The following CNBD1 variants were observed in gnomAD, a reference collection of about 807,000 sequenced individuals.
CNBD1 encodes cyclic nucleotide binding domain containing 1, also known as cyclic nucleotide-binding domain-containing protein 1.
In CNBD1, 71 loss-of-function variants were observed where a neutral mutation model predicts 54.4. The ratio of observed to expected loss-of-function variants is 1.30; its 90% CI spans 1.08 to 1.59. The LOEUF (loss-of-function observed/expected upper bound fraction) is 1.59. CNBD1 is among the 40% of genes most tolerant of loss of function. CNBD1 has a pLI of 0.00. For missense variants in CNBD1, 659 were observed against 518.0 expected, an observed-to-expected ratio of 1.27 and a Z score of -2.64; for synonymous variants, 182 against 170.7, an observed-to-expected ratio of 1.07 and a Z score of -0.51.
At chr8:87,015,031 AT>A (rs1446132791) in intron 4 of CNBD1, among the ~76,000 whole-genome samples, 1 of 152,214 alleles carries the variant, frequency 6.6e-6, no homozygotes, top group Non-Finnish European at 1.5e-5. Context: ...AGTAAAATGA[AT>A]TTATAAGGGG....
At chr8:86,935,305 G>A (rs755641744) in intron 3 of CNBD1, among the ~76,000 whole-genome samples, 13 of 152,076 alleles carry the variant, frequency 8.5e-5, no homozygotes, top group Non-Finnish European at 1.5e-4. Context: ...CAAAGTGCTG[G>A]GATTACAGGC....
intron 2 of CNBD1, among the ~76,000 whole-genome samples, chr8:87,397,312 C>T (rs1811427150): frequency 1.3e-5 from 2 of 151,972 alleles, no homozygotes; most frequent in Admixed American, 6.6e-5. Context: ...TTCAGAATAC[C>T]TACTTTCCTA....
At chr8:87,265,687 G>A (rs1365032602) in intron 6 of CNBD1, among the ~76,000 whole-genome samples, 1 of 151,922 alleles carries the variant, frequency 6.6e-6, no homozygotes. Flanking sequence ...AAGTTTTTAT[G>A]GAACACAGCC....
chr8:87,001,015 A>G (rs894465228), intron 4 of CNBD1, among the ~76,000 whole-genome samples: 13 of 152,014 alleles, frequency 8.6e-5, no homozygotes, highest in African/African-American at 3.1e-4. Context: ...ATCTTTGAAT[A>G]TTTTTCCTCT....
chr8:87,060,084 A>T (rs979083263), intron 4 of CNBD1, among the ~76,000 whole-genome samples: 4 of 152,200 alleles, frequency 2.6e-5, no homozygotes, highest in Admixed American at 1.3e-4. Context: ...CTGGCCACAC[A>T]GATGCAAGAA....
chr8:87,371,185 G>A (rs749209906), intron 10 of CNBD1, among the ~76,000 whole-genome samples: 105 of 151,918 alleles, frequency 6.9e-4, no homozygotes, highest in Non-Finnish European at 1.4e-3. Flanking sequence ...TTGTTCTTTC[G>A]GCTTAGGATT....
chr8:87,297,738 GA>G (rs1224806928), intron 8 of CNBD1, among the ~76,000 whole-genome samples: 1 of 151,626 alleles, frequency 6.6e-6, no homozygotes, highest in Non-Finnish European at 1.5e-5. Flanking sequence ...TCAAGAAAAT[GA>G]AAACATATTT....
At chr8:87,277,678 T>G (rs1808511900) in intron 6 of CNBD1, among the ~76,000 whole-genome samples, 1 of 151,716 alleles carries the variant, frequency 6.6e-6, no homozygotes, top group African/African-American at 2.4e-5. Flanking sequence ...TCCTAAAGAC[T>G]GAAAACCAGT....
At chr8:86,888,745 G>A (rs1326976868) in intron 2 of CNBD1, among the ~76,000 whole-genome samples, 1 of 152,136 alleles carries the variant, frequency 6.6e-6, no homozygotes, top group Non-Finnish European at 1.5e-5. Context: ...TATCTTATAT[G>A]TTGGTCCCTT....
chr8:87,321,255 C>T (rs1260259578), intron 8 of CNBD1, among the ~76,000 whole-genome samples: 1 of 151,634 alleles, frequency 6.6e-6, no homozygotes, highest in African/African-American at 2.4e-5. Context: ...AATCTTCATA[C>T]TGTTTTCCAT....
At chr8:87,360,895 A>G (rs1366195015) in intron 10 of CNBD1, among the ~76,000 whole-genome samples, 1 of 151,932 alleles carries the variant, frequency 6.6e-6, no homozygotes, top group East Asian at 1.9e-4. Context: ...ACAGGAGGTC[A>G]GAGTTTTTAC....
intron 4 of CNBD1, among the ~76,000 whole-genome samples, chr8:87,048,971 T>C (rs533981464): frequency 2.6e-5 from 4 of 152,358 alleles, no homozygotes; most frequent in East Asian, 3.9e-4. Flanking sequence ...AACTTTTCAC[T>C]GACTAGAGGC....
intron 1 of CNBD1, among the ~76,000 whole-genome samples, chr8:86,878,492 C>G (rs35104479): frequency 0.078 from 11,785 of 151,616 alleles, 485 homozygotes; most frequent in African/African-American, 0.1. Flanking sequence ...TGGCCATGAT[C>G]TATTTCTTTT....
chr8:87,132,255 A>G (rs1468765489), intron 4 of CNBD1, among the ~76,000 whole-genome samples: 2 of 151,896 alleles, frequency 1.3e-5, no homozygotes, highest in African/African-American at 4.8e-5. Context: ...AACTTTTAAA[A>G]TAGCCATAAC....
intron 4 of CNBD1, among the ~76,000 whole-genome samples, chr8:87,107,452 G>A (rs769531460): frequency 1.2e-4 from 19 of 152,080 alleles, no homozygotes; most frequent in Non-Finnish European, 2.2e-4. Flanking sequence ...TAAATAAGAC[G>A]TCCTCAGAGA....
chr8:86,953,928 G>A (rs1049664744), intron 4 of CNBD1, among the ~76,000 whole-genome samples: 11 of 152,086 alleles, frequency 7.2e-5, no homozygotes, highest in African/African-American at 2.7e-4. Flanking sequence ...TCACTCCTTT[G>A]GACACTCCAG....
chr8:87,115,323 G>A (rs201440131), intron 4 of CNBD1, among the ~76,000 whole-genome samples: 1 of 152,224 alleles, frequency 6.6e-6, no homozygotes, highest in African/African-American at 2.4e-5. Flanking sequence ...ATTTCGAACA[G>A]TAATGTGAAT....
At chr8:87,230,227 C>T (rs1325941877) in intron 5 of CNBD1, among the ~76,000 whole-genome samples, 1 of 152,162 alleles carries the variant, frequency 6.6e-6, no homozygotes, top group Non-Finnish European at 1.5e-5. Flanking sequence ...GAATGATTCA[C>T]ACCCATGATC....
chr8:87,212,724 T>G (rs1161768014), intron 5 of CNBD1, among the ~76,000 whole-genome samples: 3 of 152,110 alleles, frequency 2.0e-5, no homozygotes, highest in Non-Finnish European at 4.4e-5. Context: ...ATCAAGGATA[T>G]AAAGGTAATA....
Sources: allele counts gnomAD v4.1 joint callset (sites outside exome capture counted in the v4.1 genomes callset), GRCh38; gene constraint gnomAD v4.1.1; transcripts MANE v1.5; gene names NCBI Gene and HGNC (gene_info 2026-07-23, HGNC 2026-07-21).